Variants in ZNF292 observed in about 807,000 individuals in gnomAD.
ZNF292 encodes zinc finger protein 292, also known as 16 zinc-finger domain protein.
A neutral mutation model predicts 217.9 loss-of-function variants in ZNF292; 26 were observed. The observed-to-expected ratio is 0.12, with a 90% CI of 0.09 to 0.17. The LOEUF (loss-of-function observed/expected upper bound fraction) is 0.17, where lower values mean the gene tolerates loss of function less well. ZNF292 is among the 10% of genes least tolerant of loss of function. ZNF292 has a pLI of 1.00. For missense variants in ZNF292, 2,904 were observed against 3,175.2 expected (o/e 0.91, Z 2.05); for synonymous variants, 1,257 against 1,124.1 (o/e 1.12, Z -2.37).
At chr6:87,242,261 TTTCAGTC>T (rs1418684154) in intron 5 of ZNF292, among the ~76,000 whole-genome samples, 1 of 152,216 alleles carries the variant, frequency 6.6e-6, no homozygotes, top group African/African-American at 2.4e-5. Context: ...TAAGACTAGA[TTTCAGTC>T]TTAACTCTTC....
At chr6:87,171,620 A>G (rs1771101970) in intron 1 of ZNF292, among the ~76,000 whole-genome samples, 2 of 152,208 alleles carry the variant, frequency 1.3e-5, no homozygotes, top group Non-Finnish European at 2.9e-5. Context: ...TTAATCCACT[A>G]TACCAAAAAT....
chr6:87,206,647 G>T (rs1772262932), intron 1 of ZNF292, among the ~76,000 whole-genome samples: 1 of 152,004 alleles, frequency 6.6e-6, no homozygotes, highest in African/African-American at 2.4e-5. Context: ...TTCTCCATTT[G>T]TCCCAATAAT....
chr6:87,247,161 G>A (rs1774634925), intron 7 of ZNF292, among the ~76,000 whole-genome samples: 1 of 144,198 alleles, frequency 6.9e-6, no homozygotes, highest in African/African-American at 2.7e-5. Flanking sequence ...AACAGAGTGA[G>A]ACTTGGTCTT....
At position 87,239,756 on chromosome 6, in the gene ZNF292, G is replaced by C. The variant is rs1475485799; in HGVS notation, c.742-3719G>C. ...AGGCGCTCCTCACATCCCAGATGGG[G>C]CGGTGGGGCAGAGGCGCTCCCCACA... On this transcript the variant is annotated intron_variant, in intron 5 of 7. Coordinates refer to ENST00000369577, the MANE Select transcript of ZNF292 (RefSeq NM_015021.3). Among the ~76,000 whole-genome samples, 3 of 148,384 alleles carry C rather than the reference G, an allele frequency of 2.0e-5. 1 individual carries two copies. The highest frequency in any genetic ancestry group is 7.6e-5 in the African/African-American group (3 of 39,470).
At chr6:87,217,894 T>C (rs1039194617) in intron 3 of ZNF292, among the ~76,000 whole-genome samples, 7 of 152,136 alleles carry the variant, frequency 4.6e-5, no homozygotes, top group African/African-American at 1.7e-4. Context: ...TTCCCTGTGT[T>C]TTAACTATTT....
chr6:87,239,654 G>A (rs1368248588), intron 5 of ZNF292, among the ~76,000 whole-genome samples: 1 of 116,812 alleles, frequency 8.6e-6, no homozygotes, highest in Admixed American at 8.5e-5. Flanking sequence ...CGGGCGGAGG[G>A]GCTCCTCACT....
Position 87,262,007 on chromosome 6 carries a change from C to T in ZNF292, c.*206C>T, listed in dbSNP as rs1001882089. On this transcript the variant is annotated 3_prime_UTR_variant, in exon 8 of 8. Coordinates refer to ENST00000369577, the MANE Select transcript of ZNF292 (RefSeq NM_015021.3). ...TGGGACTTGAGGAACAGAATCAGTA[C>T]TTCAGTTATTGTAAATAGTGAGCTA... 2.7e-6 allele frequency: 1 copy of T among 368,736 alleles called. No individual in the cohort carries two copies. The highest frequency in any genetic ancestry group is 4.3e-5 in the East Asian group (1 of 23,330). 22.8% of individuals were successfully genotyped at this position (368,736 alleles called of 1,614,324 possible).
intron 1 of ZNF292, among the ~76,000 whole-genome samples, chr6:87,201,605 T>C (rs1438872910): frequency 6.6e-6 from 1 of 152,078 alleles, no homozygotes. Context: ...GGTTTCTCCA[T>C]GTTGGTCAGG....
intron 1 of ZNF292, chr6:87,170,140 A>T (rs968624050): frequency 6.6e-6 from 1 of 152,242 alleles, no homozygotes; most frequent in Non-Finnish European, 1.5e-5. Flanking sequence ...AATTTTTTTA[A>T]AAACAAAACT....
intron 1 of ZNF292, among the ~76,000 whole-genome samples, chr6:87,214,069 A>C (rs1301921697): frequency 6.6e-6 from 1 of 152,162 alleles, no homozygotes. Context: ...CACCTGCAAA[A>C]GTGAGTCTCT....
chr6:87,226,762 T>G (rs192426490), intron 4 of ZNF292, among the ~76,000 whole-genome samples: 1 of 151,184 alleles, frequency 6.6e-6, no homozygotes, highest in South Asian at 2.1e-4. Flanking sequence ...CACTGCAACC[T>G]CCGCCTCCTG....
In ZNF292 at chr6:87,264,296, A is replaced by G. The variant is rs1775744562; in HGVS notation, c.*2495A>G. The G allele has an allele frequency of 6.6e-6, 1 of 152,206 alleles. No individual in the cohort carries two copies. Among genetic ancestry groups the G allele is most frequent in the South Asian group, 2.1e-4 (1 of 4,832 alleles). 9.4% of individuals were successfully genotyped at this position (152,206 alleles called of 1,614,324 possible). On this transcript the variant is annotated 3_prime_UTR_variant, in exon 8 of 8. Coordinates refer to ENST00000369577, the MANE Select transcript of ZNF292 (RefSeq NM_015021.3). ...GGAGTTTTTCCTCTTCTGAACCCGCAAAGTTTGCATATTACAGGTCAGAAT... is the reference window on the plus strand; with the variant it reads ...GGAGTTTTTCCTCTTCTGAACCCGCGAAGTTTGCATATTACAGGTCAGAAT...
intron 1 of ZNF292, among the ~76,000 whole-genome samples, chr6:87,170,959 A>G (rs746880252): frequency 2.0e-5 from 3 of 152,216 alleles, no homozygotes; most frequent in Non-Finnish European, 4.4e-5. Flanking sequence ...ATTTACACTT[A>G]GACTACTTTG....
intron 1 of ZNF292, among the ~76,000 whole-genome samples, chr6:87,206,234 A>G (rs1772249010): frequency 6.6e-6 from 1 of 152,140 alleles, no homozygotes; most frequent in Non-Finnish European, 1.5e-5. Context: ...TGGTTAGGAA[A>G]ATATTTTCTA....
chr6:87,189,388 T>A (rs1481775940), intron 1 of ZNF292, among the ~76,000 whole-genome samples: 1 of 152,028 alleles, frequency 6.6e-6, no homozygotes, highest in Admixed American at 6.6e-5. Context: ...TGATCCAATA[T>A]TCATATATTA....
chr6:87,215,504 T>C (rs974321283), intron 1 of ZNF292, among the ~76,000 whole-genome samples: 8 of 152,152 alleles, frequency 5.3e-5, no homozygotes, highest in African/African-American at 1.9e-4. Flanking sequence ...TTGTTCAATA[T>C]TGAATTTTCT....
chr6:87,220,501 C>A (rs1773029927), intron 4 of ZNF292, among the ~76,000 whole-genome samples: 1 of 152,110 alleles, frequency 6.6e-6, no homozygotes, highest in African/African-American at 2.4e-5. Flanking sequence ...AGACCTCAGC[C>A]TCTCCCTATT....
In ZNF292 at chr6:87,261,761, A is replaced by G. The variant is rs569467992; in HGVS notation, c.8132A>G (p.Asp2711Gly). The G allele has an allele frequency of 3.1e-4, 494 of 1,612,826 alleles. 7 individuals carry two copies. The South Asian group carries it at 5.1e-3, about 17-fold the overall frequency. ...SNDPDMSVMK[D>G]ISIGKATGRG... ...GATCCAGATATGTCTGTTATGAAAG[A>G]TATCAGTATAGGTAAAGCCACAGGC... Residue 2711 changes from aspartate (D) to glycine (G), a missense_variant, in exon 8 of 8, where the codon GAT becomes GGT. By Grantham distance (94) the Asp-to-Gly change is moderately conservative (BLOSUM62 -1). Coordinates refer to ENST00000369577, the MANE Select transcript of ZNF292 (RefSeq NM_015021.3).
rs1775172159 is a variant in ZNF292, at chr6:87,255,658, C to G, written c.2029C>G (p.Pro677Ala). ...PEVIPVQKPVPVNEFNCPVTF... is the reference protein window; with the variant it reads ...PEVIPVQKPVAVNEFNCPVTF... ...AGTGATTCCAGTCCAGAAACCAGTA[C>G]CTGTTAATGAATTTAATTGCCCTGT... Residue 677 changes from proline (P) to alanine (A), a missense_variant, in exon 8 of 8, where the codon CCT becomes GCT. Physicochemically the swap from Pro to Ala is conservative, Grantham distance 27. Transcript: ENST00000369577. 6.2e-7 allele frequency: 1 copy of G among 1,613,014 alleles called. No homozygotes were observed. Among genetic ancestry groups the G allele is most frequent in the African/African-American group, 1.3e-5 (1 of 74,876 alleles).
Sources: gnomAD v4.1 joint callset for allele counts (sites outside exome capture counted in the v4.1 genomes callset) on GRCh38, gnomAD v4.1.1 for gene constraint, MANE v1.5 for transcripts, NCBI Gene and HGNC (gene_info 2026-07-23, HGNC 2026-07-21) for gene names.